Variants in MEGF8 observed in about 807,000 individuals in gnomAD.
MEGF8 encodes the protein multiple EGF like domains 8, also known as multiple epidermal growth factor-like domains protein 8.
Under a neutral mutation model 302.9 loss-of-function variants are expected in MEGF8, and 156 were observed. The ratio of observed to expected loss-of-function variants is 0.52; its 90% CI spans 0.45 to 0.59. The LOEUF (loss-of-function observed/expected upper bound fraction) is 0.59, where lower values mean the gene tolerates loss of function less well. Ranked by LOEUF, MEGF8 falls within the 20% of genes least tolerant of loss-of-function variation. The probability of loss-of-function intolerance (pLI) is 0.00; values close to 1 mark genes in which losing one functional copy is unlikely to be tolerated. For synonymous variants in MEGF8, 1,621 were observed against 1,660.5 expected, an observed-to-expected ratio of 0.98 and a Z score of 0.58; for missense variants, 3,345 against 3,964.5, an observed-to-expected ratio of 0.84 and a Z score of 4.20.
At position 42,357,669 on chromosome 19, in the gene MEGF8, C is replaced by A; in HGVS notation, c.5011+85C>A. The A allele has an allele frequency of 1.6e-6, 2 of 1,227,226 alleles. No individual in the cohort carries two copies. Among genetic ancestry groups the A allele is most frequent in the Non-Finnish European group, 2.3e-6 (2 of 887,202 alleles). The allele number at this position is 1,227,226 out of a possible 1,614,324, so 76.0% of individuals were successfully genotyped here. On this transcript the variant is annotated intron_variant, in intron 28 of 41. Coordinates refer to ENST00000251268, the MANE Select transcript of MEGF8 (RefSeq NM_001271938.2). This position sits in a 1 kb window ranked among gnomAD's most constrained non-coding sequence, Gnocchi z 5.2. ...TGTGGGCTCTCCATCCACTGCTGTGCTCTGTGGCCACCTGTCTCCCTCTCT... is the reference window on the plus strand; with the variant it reads ...TGTGGGCTCTCCATCCACTGCTGTGATCTGTGGCCACCTGTCTCCCTCTCT...
intron 8 of MEGF8, among the ~76,000 whole-genome samples, chr19:42,342,853 T>C (rs976012207): frequency 5.3e-5 from 8 of 152,136 alleles, no homozygotes; most frequent in Non-Finnish European, 8.8e-5. Flanking sequence ...GGGAGTGTCT[T>C]TGCCCCAAGA....
chr19:42,356,304 C>T lies in MEGF8; in HGVS notation c.4504-31C>T, dbSNP rs2039451895. On this transcript the variant is annotated intron_variant, in intron 25 of 41. Coordinates refer to ENST00000251268, the MANE Select transcript of MEGF8 (RefSeq NM_001271938.2). The surrounding 1 kb of genome is among the most constrained non-coding windows in gnomAD (Gnocchi z 5.2). Reference sequence around the variant, plus strand: ...GCCTGGCACTTTGTCCTGACCCTAGCCTGATCCCCAATGTCCGCACCCACC... The same window carrying T: ...GCCTGGCACTTTGTCCTGACCCTAGTCTGATCCCCAATGTCCGCACCCACC... 2 of 1,596,902 alleles carry T rather than the reference C, an allele frequency of 1.3e-6. No individual in the cohort carries two copies. Among genetic ancestry groups the T allele is most frequent in the Non-Finnish European group, 1.7e-6 (2 of 1,172,268 alleles).
At chr19:42,335,534 T>G (rs1035652848) in intron 5 of MEGF8, 149 bp downstream of exon 5, 8 of 695,292 alleles carry the variant, frequency 1.2e-5, no homozygotes, top group Non-Finnish European at 1.7e-5. Context: ...GCCTTTTCTC[T>G]CCGGTTTTCT....
chr19:42,375,867 CG>C lies in MEGF8; in HGVS notation c.7636del (p.Ala2546LeufsTer29). ...PPPPPADGGP[R>X]GAGDPGGAGA... is the part of the protein sequence containing the mutation. Reference sequence around the variant, plus strand: ...ACCACCCCCTGCAGATGGTGGGCCCCGGGGGGCTGGGGATCCAGGAGGAGCA... The same window carrying C: ...ACCACCCCCTGCAGATGGTGGGCCCCGGGGGCTGGGGATCCAGGAGGAGCA... On this transcript the variant is annotated frameshift_variant, in exon 42 of 42. Coordinates refer to ENST00000251268, the MANE Select transcript of MEGF8 (RefSeq NM_001271938.2). LOFTEE classifies it high-confidence loss of function. The surrounding 1 kb of genome is among the most constrained non-coding windows in gnomAD (Gnocchi z 7.1). 2 of 1,606,888 alleles carry C rather than the reference CG, an allele frequency of 1.2e-6. No individual in the cohort carries two copies.
rs1275706474 is a variant in MEGF8 at position 42,369,961 on chromosome 19, G to A, written c.6835-228G>A. Among the ~76,000 whole-genome samples the A allele has an allele frequency of 1.3e-5, 2 of 152,236 alleles. No homozygotes were observed. The highest frequency in any genetic ancestry group is 4.8e-5 in the African/African-American group (2 of 41,464). Reference sequence around the variant, plus strand: ...GGTGCTGCGCCAGGAGGACAGGCACGTGGAGGAGGATTTGAGATAATGGAG... The same window carrying A: ...GGTGCTGCGCCAGGAGGACAGGCACATGGAGGAGGATTTGAGATAATGGAG... On this transcript the variant is annotated intron_variant, in intron 38 of 41. Coordinates refer to ENST00000251268, the MANE Select transcript of MEGF8 (RefSeq NM_001271938.2). The surrounding 1 kb of genome is among the most constrained non-coding windows in gnomAD (Gnocchi z 5.7).
rs570662958 is a variant in MEGF8, at chr19:42,365,730, G to A, written c.6273+2468G>A. On this transcript the variant is annotated intron_variant, in intron 35 of 41. Transcript: ENST00000251268. ...GAGACTGCAGTGAGCCATTATTACA[G>A]CACTGCACTCCAGCCTGGGTGACAG... Among the ~76,000 whole-genome samples the A allele has an allele frequency of 1.0e-4, 14 of 138,160 alleles. No individual in the cohort carries two copies. In the South Asian group the frequency reaches 2.6e-3, roughly 25 times the overall value. 90.6% of individuals were successfully genotyped at this position (138,160 alleles called of 152,430 possible).
chr19:42,352,429 G>A lies in MEGF8; in HGVS notation c.3323G>A (p.Gly1108Asp). The A allele has an allele frequency of 6.3e-7, 1 of 1,599,284 alleles. No individual in the cohort carries two copies. The highest frequency in any genetic ancestry group is 8.5e-7 in the Non-Finnish European group (1 of 1,173,088). Residue 1108 changes from glycine to aspartate, a missense_variant, in exon 19 of 42, where the codon GGT (glycine) becomes GAT (aspartate). Transcript: ENST00000251268. The surrounding 1 kb of genome is among the most constrained non-coding windows in gnomAD (Gnocchi z 4.4). ...TGTCACTGCCAGCGGGGCTACCAGG[G>A]TGATGGCATCTCACACTGCAACCGC... ...YECHCQRGYQ[G>D]DGISHCNRTC...
Position 42,375,720 on chromosome 19 carries a change from G to C in MEGF8, c.7483G>C (p.Val2495Leu). 2 of 1,611,942 alleles carry C rather than the reference G, an allele frequency of 1.2e-6. No individual in the cohort carries two copies. Among genetic ancestry groups the C allele is most frequent in the East Asian group, 4.5e-5 (2 of 44,832 alleles). The change falls in exon 42 of 42, where the codon GTG becomes CTG. Residue 2495 changes from valine to leucine, a missense_variant. Coordinates refer to ENST00000251268, the MANE Select transcript of MEGF8 (RefSeq NM_001271938.2). This position sits in a 1 kb window ranked among gnomAD's most constrained non-coding sequence, Gnocchi z 7.1. ...TNVDIRLTLD[V>L]TFGAVDLYVS... ...CGTGGACATCCGCCTGACGCTGGACGTGACCTTCGGGGCCGTGGACCTCTA... is the reference window on the plus strand; with the variant it reads ...CGTGGACATCCGCCTGACGCTGGACCTGACCTTCGGGGCCGTGGACCTCTA...
rs917259311 is a variant in MEGF8 at position 42,357,065 on chromosome 19, C to A, written c.4830+84C>A. ...CTGTGGTAGCTCCTGCCAGCTCCAT[C>A]CCCAGAGGAAACAGAAGCCCCAAAC... On this transcript the variant is annotated intron_variant, in intron 27 of 41. Transcript: ENST00000251268. This position sits in a 1 kb window ranked among gnomAD's most constrained non-coding sequence, Gnocchi z 5.2. 161 of 1,349,874 alleles carry A rather than the reference C, an allele frequency of 1.2e-4. No individual in the cohort carries two copies. Among genetic ancestry groups the A allele is most frequent in the Non-Finnish European group, 1.6e-4 (160 of 1,001,262 alleles). 83.6% of individuals were successfully genotyped at this position (1,349,874 alleles called of 1,614,324 possible).
Position 42,353,894 on chromosome 19 carries a change from G to A in MEGF8, c.3881G>A (p.Arg1294Lys), listed in dbSNP as rs2039413340. The A allele has an allele frequency of 6.3e-7, 1 of 1,595,238 alleles. No individual in the cohort carries two copies. The highest frequency in any genetic ancestry group is 1.3e-5 in the African/African-American group (1 of 74,626). ...GLLPPGGGAA[R>K]AGPGLSYCVW... ...CTGCCTCCAGGTGGCGGGGCTGCAA[G>A]AGCCGGGCCTGGCCTGTCCTACTGT... The change falls in exon 22 of 42, where the codon AGA (arginine) becomes AAA (lysine). Residue 1294 changes from arginine (R) to lysine (K), a missense_variant. Transcript: ENST00000251268. The surrounding 1 kb of genome is among the most constrained non-coding windows in gnomAD (Gnocchi z 6.1).
Position 42,335,152 on chromosome 19 carries a change from T to C in MEGF8, c.676T>C (p.Ser226Pro). ...HNVSARDPAFSARIGAAGAFL... is the reference protein window; with the variant it reads ...HNVSARDPAFPARIGAAGAFL... ...CGTGAGTGCCAGGGACCCTGCCTTC[T>C]CTGCCCGTATTGGGGCAGCTGGCGC... The change falls in exon 4 of 42, where the codon TCT becomes CCT. Residue 226 changes from serine to proline, a missense_variant. Transcript: ENST00000251268. The C allele has an allele frequency of 6.2e-7, 1 of 1,613,990 alleles. No individual in the cohort carries two copies. The highest frequency in any genetic ancestry group is 8.5e-7 in the Non-Finnish European group (1 of 1,179,874).
At position 42,368,859 on chromosome 19, in the gene MEGF8, T is replaced by C; in HGVS notation, c.6498T>C (p.Arg2166=). The C allele has an allele frequency of 6.2e-7, 1 of 1,613,612 alleles. No individual in the cohort carries two copies. Among genetic ancestry groups the C allele is most frequent in the Non-Finnish European group, 8.5e-7 (1 of 1,179,794 alleles). Residue 2166 remains arginine, a synonymous_variant, in exon 37 of 42, where the codon CGT becomes CGC. Coordinates refer to ENST00000251268, the MANE Select transcript of MEGF8 (RefSeq NM_001271938.2). The surrounding 1 kb of genome is among the most constrained non-coding windows in gnomAD (Gnocchi z 4.9). Reference sequence around the variant, plus strand: ...CGGTGCTAGGGCTGACATGTGGGCGTCCGGGGGCCTCCTGGGCCTTCCTGT... The same window carrying C: ...CGGTGCTAGGGCTGACATGTGGGCGCCCGGGGGCCTCCTGGGCCTTCCTGT... ...SGPRDGLTCG[R]PGASWAFLSC...
chr19:42,373,627 C>T (rs2039723398), intron 41 of MEGF8, among the ~76,000 whole-genome samples: 1 of 151,288 alleles, frequency 6.6e-6, no homozygotes, highest in East Asian at 1.9e-4. Context: ...AACTCCTGAG[C>T]TCAAGCAATC....
chr19:42,366,491 G>A (rs548715814), intron 35 of MEGF8, among the ~76,000 whole-genome samples: 1 of 152,286 alleles, frequency 6.6e-6, no homozygotes, highest in South Asian at 2.1e-4. Context: ...GAGCCACCAC[G>A]CCTGGCCCAG....
intron 1 of MEGF8, among the ~76,000 whole-genome samples, chr19:42,331,871 CT>C (rs1165664262): frequency 1.1e-3 from 127 of 116,238 alleles, no homozygotes; most frequent in Non-Finnish European, 1.0e-3. Context: ...CACCCAGCCT[CT>C]TTTTTTTTTT....
rs764022580 is a variant in MEGF8 at position 42,358,299 on chromosome 19, G to C, written c.5167G>C (p.Gly1723Arg). ...RTWSLLAPSQ[G>R]AKRDRMRNVR... is the part of the protein sequence containing the mutation. Reference sequence around the variant, plus strand: ...CTGGAGTCTGCTGGCCCCTTCTCAGGGGGCAAAGGTCAGGAAAAGAGGCTC... The same window carrying C: ...CTGGAGTCTGCTGGCCCCTTCTCAGCGGGCAAAGGTCAGGAAAAGAGGCTC... The change falls in exon 29 of 42, where the codon GGG (glycine) becomes CGG (arginine). Residue 1723 changes from glycine (G) to arginine (R), a missense_variant. Physicochemically the swap from Gly to Arg is moderately radical, Grantham distance 125. Coordinates refer to ENST00000251268, the MANE Select transcript of MEGF8 (RefSeq NM_001271938.2). The surrounding 1 kb of genome is among the most constrained non-coding windows in gnomAD (Gnocchi z 4.4). 6.2e-7 allele frequency: 1 copy of C among 1,602,178 alleles called. No individual in the cohort carries two copies. The highest frequency in any genetic ancestry group is 1.1e-5 in the South Asian group (1 of 88,592).
intron 1 of MEGF8, 59 bp from the exon 2 acceptor site, chr19:42,333,546 A>G: frequency 6.5e-7 from 1 of 1,535,946 alleles, no homozygotes; most frequent in Non-Finnish European, 8.9e-7. Context: ...GGGAGGCTGC[A>G]GGGAGGTGTG....
At position 42,349,652 on chromosome 19, in the gene MEGF8, A is replaced by G. The variant is rs780999517; in HGVS notation, c.2452A>G (p.Ser818Gly). 2.5e-6 allele frequency: 4 copies of G among 1,612,108 alleles called. No homozygotes were observed. ...QLNGSAGPGHSELTLLWDRTG... is the reference protein window; with the variant it reads ...QLNGSAGPGHGELTLLWDRTG... The stretch of plus-strand genomic sequence containing the variant: ...CAATGGCTCGGCAGGCCCTGGGCAC[A>G]GCGAGCTAACTCTGCTGTGGGATCG... The change falls in exon 14 of 42, where the codon AGC (serine) becomes GGC (glycine). Residue 818 changes from serine to glycine, a missense_variant. Physicochemically the swap from Ser to Gly is moderately conservative, Grantham distance 56. Coordinates refer to ENST00000251268, the MANE Select transcript of MEGF8 (RefSeq NM_001271938.2).
chr19:42,376,102 C>G lies in MEGF8; in HGVS notation c.7865C>G (p.Pro2622Arg), dbSNP rs1430273963. Residue 2622 changes from proline to arginine, a missense_variant, in exon 42 of 42, where the codon CCA (proline) becomes CGA (arginine). Pro to Arg is a moderately radical substitution (Grantham distance 103). Transcript: ENST00000251268. This position sits in a 1 kb window ranked among gnomAD's most constrained non-coding sequence, Gnocchi z 8.2. ...CTGCTGCTGCTGGGCGTGGGAGACC[C>G]AAGTGGGCCCGGCGCCAACGGCTCA... is the stretch of plus-strand genomic sequence containing the variant. ...FYLLLLGVGD[P>R]SGPGANGSAD... 6.2e-7 allele frequency: 1 copy of G among 1,606,732 alleles called. No homozygotes were observed. Among genetic ancestry groups the G allele is most frequent in the Non-Finnish European group, 8.5e-7 (1 of 1,179,768 alleles).
Sources: allele counts gnomAD v4.1 joint callset (sites outside exome capture counted in the v4.1 genomes callset), GRCh38; gene constraint gnomAD v4.1.1; non-coding constraint Gnocchi (gnomAD v3.1); transcripts MANE v1.5; gene names NCBI Gene and HGNC (gene_info 2026-07-23, HGNC 2026-07-21).